The following WRN variants were observed in gnomAD, a reference collection of about 807,000 sequenced individuals.
WRN encodes WRN RecQ like helicase.
A neutral mutation model predicts 180.7 loss-of-function variants in WRN; 149 were observed. The ratio of observed to expected loss-of-function variants is 0.82; its 90% confidence interval spans 0.72 to 0.94. WRN has a LOEUF of 0.94. Among genes scored for constraint, WRN ranks in the 40% least tolerant of loss-of-function variants. The pLI is 0.00. For missense variants in WRN, 1,661 were observed against 1,700.1 expected, an observed-to-expected ratio of 0.98 and a Z score of 0.40; for synonymous variants, 548 against 568.9, an observed-to-expected ratio of 0.96 and a Z score of 0.52.
intron 33 of WRN, among the ~76,000 whole-genome samples, chr8:31,166,790 C>G (rs985374034): frequency 1.3e-5 from 2 of 152,038 alleles, no homozygotes; most frequent in Non-Finnish European, 2.9e-5. Context: ...TATGCAGTGT[C>G]AATAGTACTG....
At chr8:31,059,057 C>G in intron 2 of WRN, 96 bp from the exon 3 acceptor site, 1 of 931,868 alleles carries the variant, frequency 1.1e-6, no homozygotes, top group South Asian at 1.3e-5. Context: ...AAACTTAGAA[C>G]TATAAATTGA....
chr8:31,111,731 G>A lies in WRN; in HGVS notation c.2205G>A (p.Leu735=), dbSNP rs2130284102. 6.2e-7 allele frequency: 1 copy of A among 1,614,004 alleles called. No individual in the cohort carries two copies. Among genetic ancestry groups the A allele is most frequent in the Non-Finnish European group, 8.5e-7 (1 of 1,179,970 alleles). Residue 735 remains leucine (L), a synonymous_variant, in exon 19 of 35, where the codon CTG becomes CTA. Coordinates refer to ENST00000298139, the MANE Select transcript of WRN (RefSeq NM_000553.6). ...ITCTGFDRPN[L]YLEVRRKTGN... is the part of the protein sequence containing the mutation. ...GTACTGGTTTTGATCGACCAAACCT[G>A]TATTTAGAAGTTAGGCGAAAAACAG...
chr8:31,077,489 G>T (rs1228023270), intron 8 of WRN, among the ~76,000 whole-genome samples: 1 of 152,074 alleles, frequency 6.6e-6, no homozygotes, highest in Non-Finnish European at 1.5e-5. Flanking sequence ...TGATCTGCCC[G>T]CCTCAGCCTC....
At chr8:31,108,471 A>AT (rs894106381) in intron 18 of WRN, among the ~76,000 whole-genome samples, 12 of 151,252 alleles carry the variant, frequency 7.9e-5, no homozygotes, top group South Asian at 2.1e-4. Flanking sequence ...TTATTTATTT[A>AT]TTTTTTTTTC....
Position 31,089,481 on chromosome 8 carries a change from T to A in WRN, c.1652+516T>A, listed in dbSNP as rs1027086832. On this transcript the variant is annotated intron_variant, in intron 13 of 34. Transcript: ENST00000298139. The stretch of plus-strand genomic sequence containing the variant: ...TAAATGTGAATAAAACTAATAAGCC[T>A]GTGAAAATCTAGACTGGATTTTTCC... Among the ~76,000 whole-genome samples, 7 of 152,038 alleles carry A rather than the reference T, an allele frequency of 4.6e-5. No individual in the cohort carries two copies. The East Asian group carries it at 1.2e-3, about 25-fold the overall frequency.
chr8:31,126,016 C>T (rs542008131), intron 23 of WRN, among the ~76,000 whole-genome samples: 90 of 148,032 alleles, frequency 6.1e-4, no homozygotes, highest in African/African-American at 2.3e-3. Context: ...AACAAAAAGA[C>T]TGACAGAACT....
chr8:31,110,727 C>T (rs1801279601), intron 18 of WRN, among the ~76,000 whole-genome samples: 1 of 152,024 alleles, frequency 6.6e-6, no homozygotes, highest in South Asian at 2.1e-4. Flanking sequence ...TTGTATCTGT[C>T]ACGAGCCAAA....
chr8:31,107,337 AG>A (rs2130262474), intron 18 of WRN, among the ~76,000 whole-genome samples: 1 of 152,300 alleles, frequency 6.6e-6, no homozygotes, highest in East Asian at 1.9e-4. Context: ...TGATTCTAGA[AG>A]GATTGTGTTA....
chr8:31,140,736 G>A (rs901784183), intron 24 of WRN, among the ~76,000 whole-genome samples: 4 of 152,012 alleles, frequency 2.6e-5, no homozygotes, highest in South Asian at 2.1e-4. Context: ...CTGTTGGTTC[G>A]CATTGCGTTT....
intron 30 of WRN, among the ~76,000 whole-genome samples, chr8:31,150,011 C>T (rs939285390): frequency 6.6e-6 from 1 of 151,942 alleles, no homozygotes; most frequent in Non-Finnish European, 1.5e-5. Context: ...CATATTTTTC[C>T]TTTTCATGAC....
At chr8:31,123,832 A>G (rs974595958) in intron 21 of WRN, among the ~76,000 whole-genome samples, 5 of 152,152 alleles carry the variant, frequency 3.3e-5, no homozygotes, top group Non-Finnish European at 7.4e-5. Flanking sequence ...ACAGAAGACT[A>G]GAAATTAACA....
At chr8:31,062,524 C>T (rs1423407872) in intron 3 of WRN, among the ~76,000 whole-genome samples, 1 of 151,482 alleles carries the variant, frequency 6.6e-6, no homozygotes, top group Non-Finnish European at 1.5e-5. Flanking sequence ...CCTCCTGCCT[C>T]AGCCTCCTGA....
intron 28 of WRN, 49 bp from the exon 29 acceptor site, chr8:31,147,004 T>C: frequency 6.8e-7 from 1 of 1,475,532 alleles, no homozygotes; most frequent in South Asian, 1.2e-5. Flanking sequence ...AGAAAGTCAA[T>C]GAGGAGAAAG....
intron 33 of WRN, among the ~76,000 whole-genome samples, chr8:31,161,730 T>G (rs1803624746): frequency 6.8e-6 from 1 of 148,000 alleles, no homozygotes; most frequent in South Asian, 2.1e-4. Flanking sequence ...TCCCAGCTAC[T>G]CAGGAGGCTG....
At chr8:31,091,970 G>T (rs2130179499) in intron 16 of WRN, 72 bp downstream of exon 16, 1 of 1,347,408 alleles carries the variant, frequency 7.4e-7, no homozygotes, top group South Asian at 1.2e-5. Context: ...TTACGTGGGT[G>T]AATTACATGT....
At chr8:31,141,355 A>T in intron 24 of WRN, 75 bp from the exon 25 acceptor site, 1 of 1,570,056 alleles carries the variant, frequency 6.4e-7, no homozygotes, top group East Asian at 2.3e-5. Flanking sequence ...AAGAATCAAT[A>T]GACAAGTCTG....
intron 32 of WRN, among the ~76,000 whole-genome samples, chr8:31,156,438 CA>C (rs923796932): frequency 5.9e-5 from 9 of 152,162 alleles, no homozygotes; most frequent in Admixed American, 2.0e-4. Flanking sequence ...AGCAATACTA[CA>C]ATTAGTTGGA....
chr8:31,148,013 G>A (rs1413893903), intron 30 of WRN, among the ~76,000 whole-genome samples: 1 of 150,772 alleles, frequency 6.6e-6, no homozygotes, highest in Non-Finnish European at 1.5e-5. Flanking sequence ...TCAGCCTCCC[G>A]AGTAGCTGGG....
intron 26 of WRN, 79 bp downstream of exon 26, chr8:31,141,854 G>C: frequency 7.4e-7 from 1 of 1,350,356 alleles, no homozygotes; most frequent in African/African-American, 1.4e-5. Context: ...CCAGTTTATA[G>C]GCCTCTCACA....
Sources: allele counts gnomAD v4.1 joint callset (sites outside exome capture counted in the v4.1 genomes callset), GRCh38; gene constraint gnomAD v4.1.1; transcripts MANE v1.5; gene names NCBI Gene and HGNC (gene_info 2026-07-23, HGNC 2026-07-21).